The following SLC41A2 variants were observed in gnomAD, a reference collection of about 807,000 sequenced individuals.
SLC41A2 encodes SLC41A1-like 1.
A neutral mutation model predicts 58.3 loss-of-function variants in SLC41A2; 32 were observed. The ratio of observed to expected loss-of-function variants is 0.55; its 90% confidence interval spans 0.41 to 0.74. The LOEUF (loss-of-function observed/expected upper bound fraction) is 0.74, where lower values mean the gene tolerates loss of function less well. Among genes scored for constraint, SLC41A2 ranks in the 30% least tolerant of loss-of-function variants. The pLI, the probability that SLC41A2 is intolerant of heterozygous loss-of-function variation, is 0.00. For synonymous variants in SLC41A2, 190 were observed against 235.0 expected (o/e 0.81, Z 1.75); for missense variants, 514 against 680.6 (o/e 0.76, Z 2.72).
intron 10 of SLC41A2, among the ~76,000 whole-genome samples, chr12:104,809,704 T>A (rs375462308): frequency 1.1e-4 from 16 of 152,162 alleles, no homozygotes; most frequent in African/African-American, 3.9e-4. Context: ...AGCCTAGTAT[T>A]CTCATTTGAA....
intron 1 of SLC41A2, among the ~76,000 whole-genome samples, chr12:104,948,839 A>G (rs778409142): frequency 3.3e-5 from 5 of 152,252 alleles, no homozygotes; most frequent in African/African-American, 4.8e-5. Flanking sequence ...TTATTGCTCA[A>G]GAATGGAAAC....
chr12:104,866,297 C>A, intron 7 of SLC41A2, 135 bp downstream of exon 7: 2 of 1,222,566 alleles, frequency 1.6e-6, no homozygotes, highest in South Asian at 3.5e-5. Context: ...AATAATTAAC[C>A]TAAGAAATAA....
At chr12:104,848,318 A>G (rs1250184636) in intron 8 of SLC41A2, among the ~76,000 whole-genome samples, 1 of 152,182 alleles carries the variant, frequency 6.6e-6, no homozygotes, top group Non-Finnish European at 1.5e-5. Flanking sequence ...TGGGAGGCAC[A>G]TAAAGCAGTA....
chr12:104,809,579 A>G (rs549546528), intron 10 of SLC41A2, among the ~76,000 whole-genome samples: 1 of 152,172 alleles, frequency 6.6e-6, no homozygotes. Context: ...TGCTAGGACA[A>G]TGTGTTTTGG....
intron 10 of SLC41A2, among the ~76,000 whole-genome samples, chr12:104,830,316 A>G (rs1039215510): frequency 5.9e-5 from 9 of 152,374 alleles, no homozygotes; most frequent in Middle Eastern, 3.4e-3. Flanking sequence ...AAAATGGCAC[A>G]GTATTTGCAT....
intron 2 of SLC41A2, among the ~76,000 whole-genome samples, chr12:104,910,837 C>T (rs1187394901): frequency 1.3e-5 from 2 of 152,286 alleles, no homozygotes; most frequent in Middle Eastern, 3.4e-3. Flanking sequence ...AATGGCCCTG[C>T]AAAGCTGTCT....
chr12:104,878,626 T>C (rs1053645397), intron 6 of SLC41A2, among the ~76,000 whole-genome samples: 17 of 152,144 alleles, frequency 1.1e-4, no homozygotes, highest in African/African-American at 2.4e-5. Context: ...TCAATGTCCC[T>C]ACAAAGGATG....
chr12:104,891,743 A>C (rs1482420940), intron 4 of SLC41A2, among the ~76,000 whole-genome samples: 1 of 151,992 alleles, frequency 6.6e-6, no homozygotes, highest in East Asian at 1.9e-4. Flanking sequence ...TTGGAAAGAA[A>C]GAAGTCAAAT....
chr12:104,891,635 AAAAGAGG>A (rs2044977386), intron 4 of SLC41A2, among the ~76,000 whole-genome samples: 1 of 151,776 alleles, frequency 6.6e-6, no homozygotes, highest in South Asian at 2.1e-4. Context: ...AATGATATTT[AAAAGAGG>A]AAAGAGACTT....
chr12:104,946,550 A>G (rs7138686), intron 1 of SLC41A2, among the ~76,000 whole-genome samples: 44,371 of 152,104 alleles, frequency 0.29, 7,112 homozygotes, highest in South Asian at 0.5. Context: ...TTGAGTTTAC[A>G]GGTATGGGCC....
In SLC41A2 at chr12:104,899,498, C is replaced by T. The variant is rs541041131; in HGVS notation, c.664-4153G>A. On this transcript the variant is annotated intron_variant, in intron 3 of 10. Transcript: ENST00000258538. ...AGACTCAAACTAGGCTTTTGTCTCT[C>T]CCATAGAGTGAAGCACCTCATCTCT... Among the ~76,000 whole-genome samples, 4 of 152,256 alleles carry T rather than the reference C, an allele frequency of 2.6e-5. No homozygotes were observed. In the South Asian group the frequency reaches 8.3e-4, roughly 32 times the overall value.
At chr12:104,837,869 A>G (rs534626263) in intron 10 of SLC41A2, among the ~76,000 whole-genome samples, 1 of 152,266 alleles carries the variant, frequency 6.6e-6, no homozygotes, top group African/African-American at 2.4e-5. Flanking sequence ...CCTCTGATGT[A>G]GGGGAAAAAT....
intron 10 of SLC41A2, among the ~76,000 whole-genome samples, chr12:104,837,040 C>T (rs2042235907): frequency 6.6e-6 from 1 of 152,234 alleles, no homozygotes; most frequent in East Asian, 1.9e-4. Context: ...TCCTAGTTTG[C>T]CTAGCTTAGT....
intron 10 of SLC41A2, among the ~76,000 whole-genome samples, chr12:104,834,515 A>G (rs564544879): frequency 2.0e-4 from 30 of 152,200 alleles, no homozygotes; most frequent in Non-Finnish European, 4.3e-4. Flanking sequence ...GAACAGTCAC[A>G]TAGACAAAAT....
chr12:104,940,585 T>C, intron 1 of SLC41A2, among the ~76,000 whole-genome samples: 1 of 148,802 alleles, frequency 6.7e-6, no homozygotes, highest in African/African-American at 2.5e-5. Flanking sequence ...TGAAAGTATC[T>C]CCCTTTTATC....
At chr12:104,847,635 A>G (rs1244290440) in intron 8 of SLC41A2, among the ~76,000 whole-genome samples, 1 of 151,454 alleles carries the variant, frequency 6.6e-6, no homozygotes, top group Non-Finnish European at 1.5e-5. Flanking sequence ...CAAGTCCTCA[A>G]AATACATCAA....
intron 4 of SLC41A2, among the ~76,000 whole-genome samples, chr12:104,894,776 T>G (rs1396713645): frequency 6.6e-6 from 1 of 152,204 alleles, no homozygotes; most frequent in Non-Finnish European, 1.5e-5. Flanking sequence ...AGCTGTAGAT[T>G]ATACACGATC....
At chr12:104,860,738 T>G (rs2043181334) in intron 8 of SLC41A2, among the ~76,000 whole-genome samples, 1 of 152,008 alleles carries the variant, frequency 6.6e-6, no homozygotes, top group African/African-American at 2.4e-5. Context: ...CCACCACATC[T>G]GGCTAATTTT....
rs201803935 is a variant in SLC41A2 at position 104,894,298 on chromosome 12, AGCC to A, written c.735+973_735+975del. Reference sequence around the variant, plus strand: ...AGCCCAGGAGGTCAAGGCTGCAGTGAGCCATGACTGCACTACTGCACTCCACCC... The same window carrying A: ...AGCCCAGGAGGTCAAGGCTGCAGTGAATGACTGCACTACTGCACTCCACCC... On this transcript the variant is annotated intron_variant, in intron 4 of 10. Coordinates refer to ENST00000258538, the MANE Select transcript of SLC41A2 (RefSeq NM_001352171.3). Among the ~76,000 whole-genome samples the A allele has an allele frequency of 8.5e-3, 1,289 of 151,908 alleles. 17 individuals are homozygous for A. The highest frequency in any genetic ancestry group is 0.029 in the African/African-American group (1,187 of 41,396).
Sources: gnomAD v4.1 joint callset for allele counts (sites outside exome capture counted in the v4.1 genomes callset) on GRCh38, gnomAD v4.1.1 for gene constraint, MANE v1.5 for transcripts, NCBI Gene and HGNC (gene_info 2026-07-23, HGNC 2026-07-21) for gene names.